Variants in FAM184A observed in about 807,000 individuals in gnomAD.
FAM184A encodes the protein protein FAM184A.
Under a neutral mutation model 143.8 loss-of-function variants are expected in FAM184A, and 99 were observed. The ratio of observed to expected loss-of-function variants is 0.69; its 90% CI spans 0.58 to 0.81. FAM184A has a LOEUF of 0.81. Among genes scored for constraint, FAM184A ranks in the 40% least tolerant of loss-of-function variants. The pLI, the probability that FAM184A is intolerant of heterozygous loss-of-function variation, is 0.00. For missense variants in FAM184A, 1,217 were observed against 1,310.5 expected, an observed-to-expected ratio of 0.93 and a Z score of 1.10; for synonymous variants, 427 against 446.4, an observed-to-expected ratio of 0.96 and a Z score of 0.55.
chr6:118,967,560 T>C (rs1562454152), intron 14 of FAM184A, among the ~76,000 whole-genome samples: 1 of 152,210 alleles, frequency 6.6e-6, no homozygotes, highest in Non-Finnish European at 1.5e-5. Flanking sequence ...TCTAAGCCTA[T>C]TCTGTCCTGA....
chr6:119,038,799 G>T (rs143184456), intron 1 of FAM184A, among the ~76,000 whole-genome samples: 4 of 152,124 alleles, frequency 2.6e-5, no homozygotes, highest in African/African-American at 9.7e-5. Flanking sequence ...CTCTCTTGGG[G>T]TCTGGATCGG....
intron 16 of FAM184A, 177 bp from the exon 17 acceptor site, chr6:118,962,140 T>C: frequency 3.3e-6 from 2 of 611,240 alleles, no homozygotes; most frequent in Non-Finnish European, 5.7e-6. Flanking sequence ...AGGTATTTTT[T>C]ATCTACATGG....
chr6:119,139,000 T>A (rs1772118669), intron 1 of FAM184A, among the ~76,000 whole-genome samples: 1 of 152,142 alleles, frequency 6.6e-6, no homozygotes, highest in Non-Finnish European at 1.5e-5. Flanking sequence ...CATCTCAAGA[T>A]CCTTCACTGA....
At chr6:119,057,875 G>A (rs1284639493) in intron 1 of FAM184A, 2 of 137,840 alleles carry the variant, frequency 1.5e-5, no homozygotes, top group African/African-American at 2.7e-5. Flanking sequence ...TTAAAAGTTT[G>A]TGGTGGCTGC....
intron 1 of FAM184A, among the ~76,000 whole-genome samples, chr6:119,084,230 A>G (rs949645319): frequency 6.6e-6 from 1 of 152,210 alleles, no homozygotes; most frequent in Non-Finnish European, 1.5e-5. Flanking sequence ...CTCCCTCAAC[A>G]CATAGGGATT....
chr6:119,077,108 C>T lies in FAM184A; in HGVS notation c.159+1033G>A, dbSNP rs1253183331. ...TTCTCTTTTCAACCTTTTTTCACTC[C>T]TATTTCCTCCTTTCCTCTCTTCCGA... is the stretch of plus-strand genomic sequence containing the variant. On this transcript the variant is annotated intron_variant, in intron 1 of 17. Coordinates refer to ENST00000338891, the MANE Select transcript of FAM184A (RefSeq NM_024581.6). Among the ~76,000 whole-genome samples the T allele has an allele frequency of 5.9e-5, 9 of 152,144 alleles. No homozygotes were observed. In the East Asian group the frequency reaches 1.7e-3, roughly 29 times the overall value.
chr6:118,995,358 G>A (rs1442217769), intron 9 of FAM184A, among the ~76,000 whole-genome samples: 1 of 152,140 alleles, frequency 6.6e-6, no homozygotes, highest in Non-Finnish European at 1.5e-5. Context: ...AGTTGAGGGT[G>A]CAGTGAGCCA....
chr6:119,140,060 T>G (rs555307821), intron 1 of FAM184A, among the ~76,000 whole-genome samples: 1 of 151,808 alleles, frequency 6.6e-6, no homozygotes, highest in African/African-American at 2.4e-5. Flanking sequence ...CAGTGGGGAG[T>G]TGCTAAAAAT....
chr6:119,124,283 T>C (rs912803437), intron 1 of FAM184A, among the ~76,000 whole-genome samples: 4 of 152,186 alleles, frequency 2.6e-5, no homozygotes, highest in African/African-American at 7.2e-5. Context: ...AAACTTCTTA[T>C]ATATGTCAAC....
chr6:119,043,863 C>T (rs1786431340), intron 1 of FAM184A, among the ~76,000 whole-genome samples: 3 of 152,072 alleles, frequency 2.0e-5, no homozygotes, highest in Non-Finnish European at 2.9e-5. Flanking sequence ...GCTGCCTTCC[C>T]ATTATACTGG....
chr6:119,076,077 T>C (rs1289376129), intron 1 of FAM184A, among the ~76,000 whole-genome samples: 1 of 152,042 alleles, frequency 6.6e-6, no homozygotes, highest in African/African-American at 2.4e-5. Context: ...GAAATTTTGG[T>C]AATACCTGGA....
At chr6:119,070,304 T>C (rs1049716477) in intron 1 of FAM184A, among the ~76,000 whole-genome samples, 9 of 152,216 alleles carry the variant, frequency 5.9e-5, no homozygotes, top group African/African-American at 2.2e-4. Context: ...TGTTCACTGA[T>C]GTAATTTAGT....
intron 1 of FAM184A, among the ~76,000 whole-genome samples, chr6:119,067,867 A>G (rs895234652): frequency 6.6e-6 from 1 of 152,158 alleles, no homozygotes; most frequent in African/African-American, 2.4e-5. Context: ...AGCTACTCAG[A>G]AAACTGAGGT....
At chr6:119,017,670 T>C (rs75540192) in intron 4 of FAM184A, among the ~76,000 whole-genome samples, 7,435 of 152,234 alleles carry the variant, frequency 0.049, 232 homozygotes, top group Middle Eastern at 0.095. Flanking sequence ...TATGGCAATA[T>C]AGTTTTATAA....
chr6:118,965,052 A>G (rs947142550), intron 15 of FAM184A, among the ~76,000 whole-genome samples: 2 of 152,164 alleles, frequency 1.3e-5, no homozygotes, highest in African/African-American at 4.8e-5. Flanking sequence ...AGGGCTGACT[A>G]TGCAGTTTGG....
At chr6:118,976,167 TAATA>T (rs1229974599) in intron 11 of FAM184A, 123 bp from the exon 12 acceptor site, 5 of 840,104 alleles carry the variant, frequency 6.0e-6, no homozygotes, top group African/African-American at 5.2e-5. Context: ...TCCATTAAAT[TAATA>T]GATTATAAAC....
chr6:119,143,539 C>A (rs1311311315), intron 1 of FAM184A, among the ~76,000 whole-genome samples: 1 of 152,100 alleles, frequency 6.6e-6, no homozygotes, highest in Non-Finnish European at 1.5e-5. Context: ...TTCACAATAG[C>A]CAAGAGGTGG....
intron 1 of FAM184A, among the ~76,000 whole-genome samples, chr6:119,067,737 T>G (rs1787511059): frequency 6.6e-6 from 1 of 152,214 alleles, no homozygotes; most frequent in Non-Finnish European, 1.5e-5. Context: ...TAATGAGAAC[T>G]GACTATATTT....
chr6:119,078,231 C>A lies in FAM184A; in HGVS notation c.69G>T (p.Ser23=), dbSNP rs1787948854. Residue 23 remains serine (S), a synonymous_variant, in exon 1 of 18, where the codon TCG becomes TCT. Transcript: ENST00000338891. The surrounding 1 kb of genome is among the most constrained non-coding windows in gnomAD (Gnocchi z 5.5). ...GCCCAGCCAGCTGTGCGGTGGCCGG[C>A]GAGGGCGCGAATTTGGCCGCCGAGC... The part of the protein sequence containing the change: ...YGGSAAKFAP[S]PATAQLAGHS... 6.5e-7 allele frequency: 1 copy of A among 1,536,448 alleles called. No individual in the cohort carries two copies. The highest frequency in any genetic ancestry group is 8.7e-7 in the Non-Finnish European group (1 of 1,145,118).
Sources: allele counts gnomAD v4.1 joint callset (sites outside exome capture counted in the v4.1 genomes callset), GRCh38; gene constraint gnomAD v4.1.1; non-coding constraint Gnocchi (gnomAD v3.1); transcripts MANE v1.5; gene names NCBI Gene and HGNC (gene_info 2026-07-23, HGNC 2026-07-21).